ARB2A: variants seen among roughly 807,000 people sequenced by gnomAD.
The protein encoded by ARB2A is cotranscriptional regulator ARB2A.
At chr5:93,838,548 CA>C in the ARB2A span, among the ~76,000 whole-genome samples, 14,452 of 142,634 alleles carry the variant, frequency 0.1, 834 homozygotes, top group Middle Eastern at 0.18. Context: ...GACTCTGTAT[CA>C]AAAAAAAAAA....
chr5:93,764,895 T>C, the ARB2A span, among the ~76,000 whole-genome samples: 262 of 152,126 alleles, frequency 1.7e-3, no homozygotes, highest in African/African-American at 5.3e-3. Context: ...TCAACATACG[T>C]AAATCAATAA....
the ARB2A span, among the ~76,000 whole-genome samples, chr5:94,057,081 C>T: frequency 6.6e-6 from 1 of 152,186 alleles, no homozygotes; most frequent in Non-Finnish European, 1.5e-5. Context: ...GAACTCACAC[C>T]ATCAGCTCTT....
the ARB2A span, among the ~76,000 whole-genome samples, chr5:93,897,897 A>G: frequency 6.6e-6 from 1 of 151,910 alleles, no homozygotes. Context: ...AGGGTACCAG[A>G]GATGTTTAGA....
the ARB2A span, among the ~76,000 whole-genome samples, chr5:94,094,121 G>A: frequency 4.6e-5 from 7 of 152,140 alleles, no homozygotes; most frequent in African/African-American, 7.2e-5. Context: ...CCCAATTCAT[G>A]GTATTACAAT....
At chr5:93,708,441 A>C in the ARB2A span, among the ~76,000 whole-genome samples, 3 of 152,176 alleles carry the variant, frequency 2.0e-5, no homozygotes, top group African/African-American at 7.2e-5. Flanking sequence ...TTTGTGGAAG[A>C]CAATTTTTCC....
At chr5:93,850,665 T>C in the ARB2A span, among the ~76,000 whole-genome samples, 1 of 152,216 alleles carries the variant, frequency 6.6e-6, no homozygotes, top group Non-Finnish European at 1.5e-5. Flanking sequence ...AAACTTGTGA[T>C]GAACATGTTC....
chr5:93,718,190 C>T, the ARB2A span, among the ~76,000 whole-genome samples: 1 of 151,930 alleles, frequency 6.6e-6, no homozygotes, highest in Non-Finnish European at 1.5e-5. Context: ...ACCTGTAATC[C>T]CAGCACTTTG....
the ARB2A span, among the ~76,000 whole-genome samples, chr5:93,627,604 C>G: frequency 1.3e-5 from 2 of 151,978 alleles, no homozygotes; most frequent in Non-Finnish European, 2.9e-5. Context: ...ACCACCACGC[C>G]CAGCTAATTT....
chr5:93,783,869 C>T, the ARB2A span, among the ~76,000 whole-genome samples: 1 of 152,046 alleles, frequency 6.6e-6, no homozygotes, highest in African/African-American at 2.4e-5. Context: ...ATGGCTAGCC[C>T]CTGGGTTTCT....
At chr5:93,872,624 C>T in the ARB2A span, among the ~76,000 whole-genome samples, 122,413 of 152,120 alleles carry the variant, frequency 0.8, 49,791 homozygotes, top group East Asian at 0.95. Context: ...CACTTAATAA[C>T]GGCTGATAAT....
chr5:93,729,690 A>C, the ARB2A span, among the ~76,000 whole-genome samples: 1 of 152,178 alleles, frequency 6.6e-6, no homozygotes, highest in Middle Eastern at 3.2e-3. Context: ...TATTTGCAGG[A>C]AAATTAGCAA....
the ARB2A span, among the ~76,000 whole-genome samples, chr5:93,745,679 A>G: frequency 6.6e-6 from 1 of 152,010 alleles, no homozygotes; most frequent in Non-Finnish European, 1.5e-5. Flanking sequence ...CCAAAAAAAA[A>G]TTTTTTTTCT....
At chr5:94,008,173 C>T in the ARB2A span, among the ~76,000 whole-genome samples, 1 of 152,116 alleles carries the variant, frequency 6.6e-6, no homozygotes, top group African/African-American at 2.4e-5. Flanking sequence ...ACTGGGGAGG[C>T]TGTAATTGCT....
chr5:93,950,723 T>C, the ARB2A span, among the ~76,000 whole-genome samples: 1 of 150,956 alleles, frequency 6.6e-6, no homozygotes, highest in Non-Finnish European at 1.5e-5. Context: ...GGTGGACAGA[T>C]CACGAGGTCA....
the ARB2A span, among the ~76,000 whole-genome samples, chr5:93,833,334 C>T: frequency 6.6e-6 from 1 of 152,176 alleles, no homozygotes; most frequent in Non-Finnish European, 1.5e-5. Context: ...ATTTAAACTT[C>T]ATTTCAGGAA....
chr5:94,046,524 C>T, the ARB2A span, among the ~76,000 whole-genome samples: 2 of 152,162 alleles, frequency 1.3e-5, no homozygotes. Flanking sequence ...GCCACTTTTA[C>T]AACTTACTTC....
the ARB2A span, among the ~76,000 whole-genome samples, chr5:93,995,573 C>A: frequency 6.6e-6 from 1 of 152,064 alleles, no homozygotes; most frequent in African/African-American, 2.4e-5. Context: ...ATTGGTAAGG[C>A]TCCCAATCAA....
the ARB2A span, among the ~76,000 whole-genome samples, chr5:94,007,970 A>G: frequency 6.6e-6 from 1 of 152,234 alleles, no homozygotes; most frequent in African/African-American, 2.4e-5. Context: ...AAATGTAGAT[A>G]TAAGTATTAA....
the ARB2A span, among the ~76,000 whole-genome samples, chr5:93,710,016 G>A: frequency 6.6e-6 from 1 of 152,184 alleles, no homozygotes; most frequent in East Asian, 1.9e-4. Context: ...CTTAGCTTCA[G>A]AATCAAGGTT....
Sources: gnomAD v4.1 joint callset for allele counts (sites outside exome capture counted in the v4.1 genomes callset) on GRCh38, gnomAD v4.1.1 for gene constraint, MANE v1.5 for transcripts, NCBI Gene and HGNC (gene_info 2026-07-23, HGNC 2026-07-21) for gene names.